Variants in CSMD1 observed in about 807,000 individuals in gnomAD.
CSMD1 encodes the protein CUB and sushi domain-containing protein 1.
Under a neutral mutation model 417.5 loss-of-function variants are expected in CSMD1, and 213 were observed. The observed-to-expected ratio is 0.51, with a 90% CI of 0.46 to 0.57. CSMD1 has a LOEUF of 0.57. Ranked by LOEUF, CSMD1 falls within the 20% of genes least tolerant of loss-of-function variation. CSMD1 has a pLI of 0.00. For synonymous variants in CSMD1, 2,862 were observed against 1,736.8 expected, an observed-to-expected ratio of 1.65 and a Z score of -16.11; for missense variants, 6,923 against 4,529.7, an observed-to-expected ratio of 1.53 and a Z score of -15.17.
At chr8:4,135,875 C>G (rs1480736218) in intron 3 of CSMD1, among the ~76,000 whole-genome samples, 1 of 152,000 alleles carries the variant, frequency 6.6e-6, no homozygotes, top group Non-Finnish European at 1.5e-5. Context: ...GAAAAATGTT[C>G]TGATAAATTG....
intron 12 of CSMD1, among the ~76,000 whole-genome samples, chr8:3,446,412 A>C (rs1815312659): frequency 6.6e-6 from 1 of 152,226 alleles, no homozygotes; most frequent in South Asian, 2.1e-4. Flanking sequence ...TCTCTGTTTT[A>C]ATACAATGTA....
chr8:3,567,641 C>T (rs1463077405), intron 10 of CSMD1, among the ~76,000 whole-genome samples: 1 of 151,898 alleles, frequency 6.6e-6, no homozygotes, highest in Non-Finnish European at 1.5e-5. Context: ...AGCTCAAATT[C>T]CCAGCCTTGT....
chr8:4,030,692 A>C (rs925449943), intron 4 of CSMD1, among the ~76,000 whole-genome samples: 1 of 152,158 alleles, frequency 6.6e-6, no homozygotes, highest in Admixed American at 6.5e-5. Flanking sequence ...TACTTATACA[A>C]ATTTCTGCAG....
chr8:2,995,694 C>G (rs1051737297), intron 54 of CSMD1, among the ~76,000 whole-genome samples: 2 of 152,132 alleles, frequency 1.3e-5, no homozygotes, highest in Non-Finnish European at 2.9e-5. Context: ...TACATCTGTA[C>G]CATGAAATGC....
chr8:4,824,082 CCACACACACA>C (rs34597770), intron 1 of CSMD1, among the ~76,000 whole-genome samples: 9 of 147,634 alleles, frequency 6.1e-5, no homozygotes, highest in Admixed American at 4.1e-4. Flanking sequence ...AAATAAATAT[CCACACACACA>C]CACACACACA....
rs577033562 is a variant in CSMD1, at chr8:4,471,020, T to C, written c.303-50955A>G. On this transcript the variant is annotated intron_variant, in intron 2 of 69. Coordinates refer to ENST00000635120, the MANE Select transcript of CSMD1 (RefSeq NM_033225.6). ...ATACTTTTTATGTACGAGGATTCTA[T>C]GAAATATCTTTTGAACTTGCAAGGT... is the stretch of plus-strand genomic sequence containing the variant. 4.6e-5 allele frequency among the ~76,000 whole-genome samples: 7 copies of C among 152,326 alleles called. No homozygotes were observed. The South Asian group carries it at 8.3e-4, about 18-fold the overall frequency.
intron 2 of CSMD1, among the ~76,000 whole-genome samples, chr8:4,597,358 CA>C (rs1256772485): frequency 6.6e-6 from 1 of 152,130 alleles, no homozygotes; most frequent in Non-Finnish European, 1.5e-5. Context: ...TCTCATTTCA[CA>C]GACCTAAAGT....
chr8:4,140,375 G>A (rs1803711675), intron 3 of CSMD1, among the ~76,000 whole-genome samples: 1 of 151,006 alleles, frequency 6.6e-6, no homozygotes, highest in Admixed American at 6.6e-5. Flanking sequence ...GCACATGCCT[G>A]TAATCCCAGC....
chr8:3,987,422 C>T (rs74769321), intron 5 of CSMD1, among the ~76,000 whole-genome samples: 88 of 152,274 alleles, frequency 5.8e-4, no homozygotes, highest in African/African-American at 2.1e-3. Context: ...TGTCTGTCTC[C>T]GTTCCTGGTA....
intron 1 of CSMD1, among the ~76,000 whole-genome samples, chr8:4,899,004 G>C (rs981164232): frequency 2.0e-5 from 3 of 152,118 alleles, no homozygotes; most frequent in African/African-American, 7.2e-5. Context: ...AAATAGAAAA[G>C]TGAGAGTTTT....
intron 3 of CSMD1, among the ~76,000 whole-genome samples, chr8:4,097,664 CTTGT>C (rs1162725808): frequency 2.0e-5 from 3 of 152,126 alleles, no homozygotes; most frequent in African/African-American, 7.2e-5. Flanking sequence ...AAAAGATGTT[CTTGT>C]TTAAGACAGT....
chr8:4,402,800 CTTTTTT>C (rs60965667), intron 3 of CSMD1, among the ~76,000 whole-genome samples: 3 of 89,370 alleles, frequency 3.4e-5, no homozygotes, highest in Non-Finnish European at 4.0e-5. Context: ...TCACTTTTTT[CTTTTTT>C]TTTTTTTTTT....
chr8:4,048,762 G>A (rs1413187860), intron 3 of CSMD1, among the ~76,000 whole-genome samples: 2 of 152,124 alleles, frequency 1.3e-5, no homozygotes, highest in African/African-American at 4.8e-5. Flanking sequence ...ATGCAAAGCT[G>A]TGTATATCTG....
At chr8:3,586,020 A>G (rs2116998349) in intron 9 of CSMD1, 116 bp downstream of exon 9, 1 of 1,048,290 alleles carries the variant, frequency 9.5e-7, no homozygotes, top group South Asian at 1.9e-5. Context: ...AACATACATT[A>G]CTACCGAATT....
At position 2,962,591 on chromosome 8, in the gene CSMD1, C is replaced by G. The variant is rs1803585274; in HGVS notation, c.9503G>C (p.Gly3168Ala). The G allele has an allele frequency of 6.2e-7, 1 of 1,613,674 alleles. No individual in the cohort carries two copies. Among genetic ancestry groups the G allele is most frequent in the Non-Finnish European group, 8.5e-7 (1 of 1,179,832 alleles). ...TTCGGACTTATAGGTGAAACTTTTC[C>G]CACTAAGTCGCCCTTCTGCGGGGAT... The part of the protein sequence containing the change: ...PGIPAEGRLS[G>A]KSFTYKSEVF... Residue 3168 changes from glycine to alanine, a missense_variant, in exon 61 of 70, where the codon GGG becomes GCG. Transcript: ENST00000635120.
chr8:4,020,917 A>T (rs571111607), intron 4 of CSMD1, among the ~76,000 whole-genome samples: 3 of 152,354 alleles, frequency 2.0e-5, no homozygotes, highest in Non-Finnish European at 4.4e-5. Flanking sequence ...CAATTGCTGA[A>T]ACTTAAAGGG....
At chr8:3,228,011 G>A (rs1232190541) in intron 27 of CSMD1, among the ~76,000 whole-genome samples, 2 of 152,058 alleles carry the variant, frequency 1.3e-5, no homozygotes, top group African/African-American at 4.8e-5. Flanking sequence ...CAAGTGATCT[G>A]CCCGCCTTGG....
rs569883142 is a variant in CSMD1 at position 3,612,335 on chromosome 8, T to C, written c.1097+4375A>G. Among the ~76,000 whole-genome samples, 434 of 152,160 alleles carry C rather than the reference T, an allele frequency of 2.9e-3. 2 individuals are homozygous for C. Among genetic ancestry groups the C allele is most frequent in the African/African-American group, 6.6e-3 (273 of 41,550 alleles). On this transcript the variant is annotated intron_variant, in intron 8 of 69. Coordinates refer to ENST00000635120, the MANE Select transcript of CSMD1 (RefSeq NM_033225.6). ...AAACTGATAAAGCTGCAATGAGAAA[T>C]AGACAGATTCACAATTTTAGTAGAT...
chr8:4,411,747 A>G (rs867051991), intron 3 of CSMD1, among the ~76,000 whole-genome samples: 5 of 152,216 alleles, frequency 3.3e-5, no homozygotes, highest in Admixed American at 2.0e-4. Context: ...ATAGACGTTC[A>G]CATACCTATC....
Sources: gnomAD v4.1 joint callset for allele counts (sites outside exome capture counted in the v4.1 genomes callset) on GRCh38, gnomAD v4.1.1 for gene constraint, MANE v1.5 for transcripts, NCBI Gene and HGNC (gene_info 2026-07-23, HGNC 2026-07-21) for gene names.